SMG6: variants seen among roughly 807,000 people sequenced by gnomAD.
SMG6 encodes telomerase-binding protein EST1A.
SMG6 carries 66 observed loss-of-function variants against 142.2 expected under a neutral mutation model. That is an observed-to-expected ratio of 0.46 (90% confidence interval 0.38 to 0.57). The LOEUF (loss-of-function observed/expected upper bound fraction) is 0.57, where lower values mean the gene tolerates loss of function less well. Ranked by LOEUF, SMG6 falls within the 20% of genes least tolerant of loss-of-function variation. The pLI is 0.00. For synonymous variants in SMG6, 779 were observed against 702.4 expected (o/e 1.11, Z -1.72); for missense variants, 1,793 against 1,832.0 (o/e 0.98, Z 0.39).
intron 13 of SMG6, among the ~76,000 whole-genome samples, chr17:2,134,913 T>G (rs1352713981): frequency 6.6e-6 from 1 of 151,944 alleles, no homozygotes; most frequent in Non-Finnish European, 1.5e-5. Context: ...AGAGTCTCAC[T>G]CTGTCACCCA....
At chr17:2,087,234 G>A in intron 13 of SMG6, 1 of 1,289,734 alleles carries the variant, frequency 7.8e-7, no homozygotes. Flanking sequence ...AGTAAAGACG[G>A]ACAGCCCAGG....
intron 8 of SMG6, among the ~76,000 whole-genome samples, chr17:2,252,832 G>C (rs916845811): frequency 1.1e-4 from 17 of 152,012 alleles, no homozygotes; most frequent in African/African-American, 4.1e-4. Context: ...TCAGACACTG[G>C]CAAACTATGG....
intron 13 of SMG6, among the ~76,000 whole-genome samples, chr17:2,148,475 G>A (rs2070734443): frequency 6.6e-6 from 1 of 152,236 alleles, no homozygotes; most frequent in African/African-American, 2.4e-5. Context: ...CGGATAAAAC[G>A]TGAAATCATT....
chr17:2,066,652 T>TATACACACACACAC (rs1194896756), intron 16 of SMG6, among the ~76,000 whole-genome samples: 3 of 119,490 alleles, frequency 2.5e-5, no homozygotes, highest in African/African-American at 9.7e-5. Flanking sequence ...CATGTGGGAA[T>TATACACACACACAC]ACACACACAC....
chr17:2,162,457 T>TA lies in SMG6; in HGVS notation c.3357+10200dup, dbSNP rs1002132884. Among the ~76,000 whole-genome samples, 5 of 128,054 alleles carry TA rather than the reference T, an allele frequency of 3.9e-5. No individual in the cohort carries two copies. The Admixed American group carries it at 5.1e-4, about 13-fold the overall frequency. 84.0% of individuals were successfully genotyped at this position (128,054 alleles called of 152,430 possible). On this transcript the variant is annotated intron_variant, in intron 13 of 18. Transcript: ENST00000263073. ...TGAACCCAGGAGGTGGAGCTTGCAA[T>TA]AAGCCCAGATTGCACCACTGCACTC...
intron 13 of SMG6, among the ~76,000 whole-genome samples, chr17:2,105,717 AG>A (rs2069138690): frequency 6.6e-6 from 1 of 152,212 alleles, no homozygotes; most frequent in African/African-American, 2.4e-5. Flanking sequence ...AAAATTTCTC[AG>A]GATACCTGCC....
At chr17:2,116,187 C>A (rs1418532362) in intron 13 of SMG6, among the ~76,000 whole-genome samples, 1 of 152,142 alleles carries the variant, frequency 6.6e-6, no homozygotes, top group Non-Finnish European at 1.5e-5. Flanking sequence ...CTTCCCACTT[C>A]AGCCTCTTGA....
intron 10 of SMG6, among the ~76,000 whole-genome samples, chr17:2,234,523 A>G (rs890986533): frequency 4.6e-5 from 7 of 152,222 alleles, no homozygotes; most frequent in African/African-American, 1.7e-4. Flanking sequence ...TTGGCCTCCC[A>G]AAGCGCTGGG....
chr17:2,184,642 A>C (rs2071915106), intron 12 of SMG6, among the ~76,000 whole-genome samples: 1 of 131,076 alleles, frequency 7.6e-6, no homozygotes, highest in East Asian at 2.3e-4. Flanking sequence ...AGGCAACAAG[A>C]GCAAAACTCC....
chr17:2,277,448 A>G (rs929321078), intron 8 of SMG6, among the ~76,000 whole-genome samples: 2 of 152,102 alleles, frequency 1.3e-5, no homozygotes, highest in African/African-American at 2.4e-5. Flanking sequence ...TTACAGGCGT[A>G]AGCACCACGC....
At chr17:2,087,014 A>C (rs2068581934) in intron 13 of SMG6, 1 of 1,289,020 alleles carries the variant, frequency 7.8e-7, no homozygotes, top group Non-Finnish European at 1.0e-6. Context: ...CTCGTTTCTT[A>C]GTGTGAAAGG....
intron 13 of SMG6, among the ~76,000 whole-genome samples, chr17:2,132,093 G>A (rs1417152862): frequency 6.6e-6 from 1 of 151,928 alleles, no homozygotes; most frequent in Non-Finnish European, 1.5e-5. Flanking sequence ...AAAAAAAAAG[G>A]AACTTTTGAA....
At chr17:2,080,817 A>G (rs1294423496) in intron 15 of SMG6, among the ~76,000 whole-genome samples, 1 of 151,960 alleles carries the variant, frequency 6.6e-6, no homozygotes, top group African/African-American at 2.4e-5. Flanking sequence ...TTGTATTTTT[A>G]GTAGAGACAG....
intron 9 of SMG6, among the ~76,000 whole-genome samples, chr17:2,238,757 G>A (rs1167414937): frequency 6.6e-6 from 1 of 152,158 alleles, no homozygotes; most frequent in East Asian, 1.9e-4. Flanking sequence ...AACACTCTCT[G>A]GGTCAGACTG....
intron 13 of SMG6, among the ~76,000 whole-genome samples, chr17:2,129,246 C>A (rs1294183154): frequency 6.6e-6 from 1 of 152,060 alleles, no homozygotes; most frequent in Non-Finnish European, 1.5e-5. Context: ...GGGGCAAGCC[C>A]AGGGAGGTCG....
intron 13 of SMG6, among the ~76,000 whole-genome samples, chr17:2,147,252 G>A (rs1206235061): frequency 6.6e-6 from 1 of 152,132 alleles, no homozygotes; most frequent in Admixed American, 6.5e-5. Context: ...AATTAGCTGA[G>A]CGTGGTGGTG....
intron 10 of SMG6, among the ~76,000 whole-genome samples, chr17:2,208,616 T>C (rs1356981761): frequency 1.3e-5 from 2 of 152,226 alleles, no homozygotes; most frequent in African/African-American, 4.8e-5. Flanking sequence ...CTACTACAAG[T>C]AAGGATCTGT....
At position 2,148,192 on chromosome 17, in the gene SMG6, AAAAAT is replaced by A. The variant is rs563889902; in HGVS notation, c.3357+24461_3357+24465del. 3.9e-5 allele frequency among the ~76,000 whole-genome samples: 6 copies of A among 152,122 alleles called. No individual in the cohort carries two copies. The South Asian group carries it at 1.0e-3, about 26-fold the overall frequency. On this transcript the variant is annotated intron_variant, in intron 13 of 18. Coordinates refer to ENST00000263073, the MANE Select transcript of SMG6 (RefSeq NM_017575.5). ...GGCGACAGAGTGAGACCCCATCTCA[AAAAAT>A]AAAATAAAATAAAATAAAATAATTA...
At chr17:2,164,095 C>T (rs577637874) in intron 13 of SMG6, among the ~76,000 whole-genome samples, 2 of 150,324 alleles carry the variant, frequency 1.3e-5, no homozygotes, top group Non-Finnish European at 3.0e-5. Context: ...GGGTGAAACC[C>T]TATTGTACTA....
Sources: allele counts gnomAD v4.1 joint callset (sites outside exome capture counted in the v4.1 genomes callset), GRCh38; gene constraint gnomAD v4.1.1; transcripts MANE v1.5; gene names NCBI Gene and HGNC (gene_info 2026-07-23, HGNC 2026-07-21).